PCDHGA4: variants seen among roughly 807,000 people sequenced by gnomAD.
PCDHGA4 encodes the protein protocadherin gamma-A4.
In PCDHGA4, 38 loss-of-function variants were observed where a neutral mutation model predicts 54.6. The ratio of observed to expected loss-of-function variants is 0.70; its 90% CI spans 0.54 to 0.91. PCDHGA4 has a LOEUF of 0.91. PCDHGA4 is among the 40% of genes least tolerant of loss of function. The pLI is 0.00. For missense variants in PCDHGA4, 1,298 were observed against 1,220.9 expected (o/e 1.06, Z -0.94); for synonymous variants, 511 against 512.9 (o/e 1.00, Z 0.05).
intron 1 of PCDHGA4, chr5:141,428,257 G>T: frequency 1.2e-6 from 1 of 865,866 alleles, no homozygotes; most frequent in South Asian, 1.4e-5. Context: ...AGACTTCAGT[G>T]ACAGTCCTGT....
chr5:141,465,519 T>C (rs2099104752), intron 1 of PCDHGA4, among the ~76,000 whole-genome samples: 1 of 152,224 alleles, frequency 6.6e-6, no homozygotes, highest in East Asian at 1.9e-4. Context: ...GGAAGGATTC[T>C]GGGGAAGTTT....
Position 141,404,574 on chromosome 5 carries a change from C to G in PCDHGA4, c.2514+46953C>G, listed in dbSNP as rs185791741. 3 of 1,613,908 alleles carry G rather than the reference C, an allele frequency of 1.9e-6. No individual in the cohort carries two copies. The East Asian group carries it at 6.7e-5, about 36-fold the overall frequency. The stretch of plus-strand genomic sequence containing the variant: ...ACGGCAAGTGACAGTGGAAGCCCAC[C>G]ACTTAGCAGCAATGTGTCATTGAGA... On this transcript the variant is annotated intron_variant, in intron 1 of 3. Coordinates refer to ENST00000571252, the MANE Select transcript of PCDHGA4 (RefSeq NM_018917.4).
In PCDHGA4 at chr5:141,489,456, G is replaced by A. The variant is rs1468723020; in HGVS notation, c.2515-5351G>A. The A allele has an allele frequency of 1.2e-6, 2 of 1,614,050 alleles. No homozygotes were observed. Among genetic ancestry groups the A allele is most frequent in the Non-Finnish European group, 1.7e-6 (2 of 1,180,016 alleles). ...TGCAATTGGGCTCTGAGGAGAATGG[G>A]CGCTATTTTTCCCTGAGCTTGATGA... On this transcript the variant is annotated intron_variant, in intron 1 of 3. Transcript: ENST00000571252. This position sits in a 1 kb window ranked among gnomAD's most constrained non-coding sequence, Gnocchi z 4.5.
intron 1 of PCDHGA4, chr5:141,375,488 G>A: frequency 6.2e-7 from 1 of 1,613,976 alleles, no homozygotes; most frequent in East Asian, 2.2e-5. Flanking sequence ...CCCCAGGGGT[G>A]CCTCCATCTT....
chr5:141,413,668 G>T lies in PCDHGA4; in HGVS notation c.2514+56047G>T, dbSNP rs1286766786. ...TCCTCTCCCGGAAGCTATTGATCCG[G>T]ATGTGGGCGTGAACTCCCTGCAGAG... is the stretch of plus-strand genomic sequence containing the variant. On this transcript the variant is annotated intron_variant, in intron 1 of 3. Transcript: ENST00000571252. 6 of 1,613,754 alleles carry T rather than the reference G, an allele frequency of 3.7e-6. No homozygotes were observed. The Admixed American group carries it at 8.3e-5, about 22-fold the overall frequency.
intron 1 of PCDHGA4, chr5:141,388,663 C>G: frequency 1.9e-6 from 3 of 1,613,928 alleles, no homozygotes; most frequent in East Asian, 2.2e-5. Flanking sequence ...CCGGGGACCA[C>G]GGTGCTACAG....
intron 1 of PCDHGA4, chr5:141,420,202 C>G: frequency 1.2e-6 from 2 of 1,613,256 alleles, no homozygotes; most frequent in Non-Finnish European, 1.7e-6. Context: ...AAGATAACCT[C>G]AACAAAGATA....
intron 1 of PCDHGA4, chr5:141,475,848 C>T (rs1562050268): frequency 4.4e-6 from 2 of 451,496 alleles, no homozygotes; most frequent in Non-Finnish European, 7.9e-6. Context: ...TCAGAGAGCC[C>T]GGCGCTAGCT....
At chr5:141,455,208 A>G (rs1450523873) in intron 1 of PCDHGA4, among the ~76,000 whole-genome samples, 1 of 151,996 alleles carries the variant, frequency 6.6e-6, no homozygotes, top group Non-Finnish European at 1.5e-5. Context: ...AACCAATAAG[A>G]GTTTTTAATG....
intron 1 of PCDHGA4, chr5:141,408,782 T>A: frequency 6.2e-7 from 1 of 1,612,108 alleles, no homozygotes. Context: ...ATACCCAGAG[T>A]TATCTCTGGA....
chr5:141,433,286 T>C (rs2097581877), intron 1 of PCDHGA4: 2 of 1,143,608 alleles, frequency 1.7e-6, no homozygotes, highest in African/African-American at 1.6e-5. Flanking sequence ...CTCAAACTCC[T>C]AGGCTCAAGC....
At chr5:141,457,108 T>C (rs186630889) in intron 1 of PCDHGA4, among the ~76,000 whole-genome samples, 40 of 152,338 alleles carry the variant, frequency 2.6e-4, no homozygotes, top group African/African-American at 9.1e-4. Flanking sequence ...TTAAGCAAAA[T>C]ACGACAGCAA....
intron 1 of PCDHGA4, chr5:141,399,277 G>T: frequency 6.2e-7 from 1 of 1,613,890 alleles, no homozygotes; most frequent in Non-Finnish European, 8.5e-7. Flanking sequence ...TCAATTACAA[G>T]GCGAAGTCCC....
At chr5:141,372,542 A>G in intron 1 of PCDHGA4, 1 of 1,613,892 alleles carries the variant, frequency 6.2e-7, no homozygotes, top group Non-Finnish European at 8.5e-7. Context: ...TGCGCCTGCG[A>G]TGCTCCTCCA....
At position 141,489,385 on chromosome 5, in the gene PCDHGA4, G is replaced by C. The variant is rs893348832; in HGVS notation, c.2515-5422G>C. The stretch of plus-strand genomic sequence containing the variant: ...GCCGGGGACGCTGGTGGGGAATGTT[G>C]CTCAGGATCTGGGCTTAAAGATGAC... On this transcript the variant is annotated intron_variant, in intron 1 of 3. Transcript: ENST00000571252. This position sits in a 1 kb window ranked among gnomAD's most constrained non-coding sequence, Gnocchi z 4.5. The C allele has an allele frequency of 6.2e-7, 1 of 1,613,924 alleles. No individual in the cohort carries two copies. Among genetic ancestry groups the C allele is most frequent in the Non-Finnish European group, 8.5e-7 (1 of 1,179,896 alleles).
intron 1 of PCDHGA4, chr5:141,373,808 A>C (rs1769864521): frequency 5.8e-6 from 2 of 342,678 alleles, no homozygotes; most frequent in South Asian, 1.1e-4. Flanking sequence ...TCTGTGTGAT[A>C]GTTTCACAAA....
At chr5:141,394,260 G>C in intron 1 of PCDHGA4, 1 of 1,613,920 alleles carries the variant, frequency 6.2e-7, no homozygotes, top group Non-Finnish European at 8.5e-7. Flanking sequence ...CGACAGCCAG[G>C]AGAATGCCCA....
Position 141,355,112 on chromosome 5 carries a change from A to T in PCDHGA4, c.5A>T (p.His2Leu), listed in dbSNP as rs1371168297. Residue 2 changes from histidine to leucine, a missense_variant, in exon 1 of 4, where the codon CAC becomes CTC. Physicochemically the swap from His to Leu is moderately conservative, Grantham distance 99 (BLOSUM62 -3). Transcript: ENST00000571252. M[H>L]FILDPEDPGA... Reference sequence around the variant, plus strand: ...CCCTGAGAGCTCTGGCTGTGAATGCACTTTATTTTGGACCCAGAAGATCCT... The same window carrying T: ...CCCTGAGAGCTCTGGCTGTGAATGCTCTTTATTTTGGACCCAGAAGATCCT... 1 of 1,510,090 alleles carries T rather than the reference A, an allele frequency of 6.6e-7. No homozygotes were observed. The allele number at this position is 1,510,090 out of a possible 1,614,324, so 93.5% of individuals were successfully genotyped here.
intron 1 of PCDHGA4, chr5:141,441,038 G>T (rs1263659082): frequency 1.3e-5 from 2 of 152,156 alleles, no homozygotes; most frequent in Non-Finnish European, 2.9e-5. Flanking sequence ...AAAACTTTAA[G>T]TACATTGGAC....
Sources: gnomAD v4.1 joint callset for allele counts (sites outside exome capture counted in the v4.1 genomes callset) on GRCh38, gnomAD v4.1.1 for gene constraint, Gnocchi (gnomAD v3.1) non-coding constraint, MANE v1.5 for transcripts, NCBI Gene and HGNC (gene_info 2026-07-23, HGNC 2026-07-21) for gene names.